ZNF786: variants seen among roughly 807,000 people sequenced by gnomAD.
The protein encoded by ZNF786 is zinc finger protein 786.
In ZNF786, 56 loss-of-function variants were observed where a neutral mutation model predicts 63.1. The ratio of observed to expected loss-of-function variants is 0.89; its 90% CI spans 0.72 to 1.11. The LOEUF is 1.11. ZNF786 is among the 50% of genes least tolerant of loss of function. ZNF786 has a pLI of 0.00. For missense variants in ZNF786, 1,213 were observed against 1,041.8 expected, an observed-to-expected ratio of 1.16 and a Z score of -2.26; for synonymous variants, 485 against 406.9, an observed-to-expected ratio of 1.19 and a Z score of -2.31.
intron 3 of ZNF786, among the ~76,000 whole-genome samples, chr7:149,073,433 C>T (rs1825468343): frequency 6.6e-6 from 1 of 151,968 alleles, no homozygotes; most frequent in South Asian, 2.1e-4. Flanking sequence ...CCTATAATCC[C>T]AACACTTTGG....
At chr7:149,081,881 A>C (rs1825658913) in intron 1 of ZNF786, among the ~76,000 whole-genome samples, 1 of 152,204 alleles carries the variant, frequency 6.6e-6, no homozygotes, top group South Asian at 2.1e-4. Flanking sequence ...AAAGACTCCT[A>C]GATTTGACAA....
chr7:149,075,942 G>C (rs1017168657), intron 2 of ZNF786, among the ~76,000 whole-genome samples: 4 of 151,258 alleles, frequency 2.6e-5, no homozygotes, highest in African/African-American at 7.3e-5. Context: ...GGATTATAGG[G>C]ATGAGCCACC....
chr7:149,080,525 C>T (rs1021875809), intron 2 of ZNF786, 66 bp downstream of exon 2: 2 of 1,429,926 alleles, frequency 1.4e-6, no homozygotes, highest in Non-Finnish European at 1.8e-6. Flanking sequence ...ACAGGAGCAT[C>T]AAGTGACTGT....
chr7:149,070,352 T>G lies in ZNF786; in HGVS notation c.*71A>C. On this transcript the variant is annotated 3_prime_UTR_variant, in exon 4 of 4. Transcript: ENST00000491431. ...CTCCTAAAACCCGTCTACCAGCGGG[T>G]CTGGCTACTGTTGCTGTGGATTCCT... is the stretch of plus-strand genomic sequence containing the variant. The G allele has an allele frequency of 1.3e-6, 2 of 1,559,134 alleles. No homozygotes were observed. The highest frequency in any genetic ancestry group is 1.7e-6 in the Non-Finnish European group (2 of 1,150,600).
At chr7:149,079,204 C>G (rs1410403487) in intron 2 of ZNF786, among the ~76,000 whole-genome samples, 1 of 152,048 alleles carries the variant, frequency 6.6e-6, no homozygotes, top group African/African-American at 2.4e-5. Flanking sequence ...GTCAGGAAAT[C>G]GAGACCATCC....
intron 3 of ZNF786, among the ~76,000 whole-genome samples, chr7:149,073,766 T>TAC (rs2129514443): frequency 9.1e-6 from 1 of 110,224 alleles, no homozygotes; most frequent in Non-Finnish European, 1.9e-5. Flanking sequence ...TATATATATA[T>TAC]ATATATATAT....
intron 1 of ZNF786, among the ~76,000 whole-genome samples, chr7:149,082,269 A>C (rs1825665407): frequency 1.3e-5 from 2 of 152,268 alleles, no homozygotes; most frequent in African/African-American, 4.8e-5. Context: ...AAGTCTTCTG[A>C]GGCCTCCCCA....
chr7:149,089,052 G>A (rs1294212932), intron 1 of ZNF786, among the ~76,000 whole-genome samples: 3 of 150,532 alleles, frequency 2.0e-5, no homozygotes, highest in Admixed American at 6.6e-5. Flanking sequence ...CGCCTCCCGG[G>A]TTCTCCCGCC....
chr7:149,077,867 CTTT>C (rs373659985), intron 2 of ZNF786, among the ~76,000 whole-genome samples: 3 of 139,564 alleles, frequency 2.1e-5, no homozygotes, highest in African/African-American at 2.6e-5. Context: ...ATAATTTTGT[CTTT>C]TTTTTTTTTT....
chr7:149,088,294 C>T (rs527587480), intron 1 of ZNF786, among the ~76,000 whole-genome samples: 30 of 152,048 alleles, frequency 2.0e-4, no homozygotes, highest in African/African-American at 7.0e-4. Context: ...TGAGCCACCA[C>T]GCCTGGCCTG....
chr7:149,071,697 C>A lies in ZNF786; in HGVS notation c.1075G>T (p.Glu359Ter). The change falls in exon 4 of 4, where the codon GAG becomes TAG. Residue 359 changes from glutamate (E) to a stop codon, truncating the protein, a stop_gained. Coordinates refer to ENST00000491431, the MANE Select transcript of ZNF786 (RefSeq NM_152411.4). LOFTEE classifies it high-confidence loss of function. ...CCCTCTGCGCCATGCTGCAGCGCCT[C>A]CGTGTCCCCTTCCTGGTGGCTGTTC... is the stretch of plus-strand genomic sequence containing the variant. ...EGNSHQEGDT[E>*]ALQHGAEGPC... 6.4e-7 allele frequency: 1 copy of A among 1,572,634 alleles called. No homozygotes were observed.
chr7:149,086,028 C>T (rs1825730636), intron 1 of ZNF786, among the ~76,000 whole-genome samples: 1 of 152,208 alleles, frequency 6.6e-6, no homozygotes, highest in Non-Finnish European at 1.5e-5. Flanking sequence ...AGTCTGCAAA[C>T]AGGGATAGTT....
rs952181026 is a variant in ZNF786 at position 149,073,952 on chromosome 7, G to A, written c.298+434C>T. On this transcript the variant is annotated intron_variant, in intron 3 of 3. Coordinates refer to ENST00000491431, the MANE Select transcript of ZNF786 (RefSeq NM_152411.4). ...ATTACAGGCACCTGCCACCATGCCC[G>A]GCTAATTTTTTTGTATTTTTAGTAG... 9.0e-4 allele frequency among the ~76,000 whole-genome samples: 135 copies of A among 150,620 alleles called. 1 individual carries two copies. The highest frequency in any genetic ancestry group is 3.1e-3 in the African/African-American group (129 of 41,008).
chr7:149,077,666 TCTC>T (rs771661656), intron 2 of ZNF786, among the ~76,000 whole-genome samples: 9 of 149,594 alleles, frequency 6.0e-5, no homozygotes, highest in Admixed American at 3.4e-4. Flanking sequence ...AGATGGGTGT[TCTC>T]CTAGCCGGCC....
At chr7:149,090,339 C>A (rs1563141295) in intron 1 of ZNF786, among the ~76,000 whole-genome samples, 3 of 151,744 alleles carry the variant, frequency 2.0e-5, no homozygotes, top group East Asian at 1.9e-4. Context: ...CCGTCCGCTC[C>A]CCGTCCGCCC....
chr7:149,075,007 T>G (rs1208207005), intron 2 of ZNF786, among the ~76,000 whole-genome samples: 1 of 151,858 alleles, frequency 6.6e-6, no homozygotes, highest in African/African-American at 2.4e-5. Context: ...TTTTCGCATT[T>G]TTAGTGGAGA....
At chr7:149,088,894 GTAAA>G (rs1825782150) in intron 1 of ZNF786, among the ~76,000 whole-genome samples, 2 of 151,432 alleles carry the variant, frequency 1.3e-5, no homozygotes, top group Admixed American at 1.3e-4. Context: ...TCTTTTATAC[GTAAA>G]TACTTTATTA....
intron 1 of ZNF786, chr7:149,081,055 C>T (rs1825642644): frequency 2.1e-6 from 1 of 465,352 alleles, no homozygotes; most frequent in Non-Finnish European, 4.3e-6. Flanking sequence ...TATATTGAGG[C>T]AAATTCATTT....
chr7:149,073,634 T>C (rs1230854529), intron 3 of ZNF786, among the ~76,000 whole-genome samples: 1 of 150,978 alleles, frequency 6.6e-6, no homozygotes, highest in Non-Finnish European at 1.5e-5. Context: ...TCTCAATATA[T>C]ATACACATAT....
Sources: allele counts gnomAD v4.1 joint callset (sites outside exome capture counted in the v4.1 genomes callset), GRCh38; gene constraint gnomAD v4.1.1; transcripts MANE v1.5; gene names NCBI Gene and HGNC (gene_info 2026-07-23, HGNC 2026-07-21).